ZMAT3: variants seen among roughly 807,000 people sequenced by gnomAD.
The protein encoded by ZMAT3 is zinc finger matrin-type 3, also known as zinc finger matrin-type protein 3.
Under a neutral mutation model 32.3 loss-of-function variants are expected in ZMAT3, and 17 were observed. That is an observed-to-expected ratio of 0.53 (90% CI 0.36 to 0.79). ZMAT3 has a LOEUF of 0.79. Among genes scored for constraint, ZMAT3 ranks in the 30% least tolerant of loss-of-function variants. The probability of loss-of-function intolerance (pLI) is 0.00; values close to 1 mark genes in which losing one functional copy is unlikely to be tolerated. For synonymous variants in ZMAT3, 120 were observed against 133.1 expected (o/e 0.90, Z 0.68); for missense variants, 329 against 359.7 (o/e 0.91, Z 0.69).
chr3:179,043,410 A>G (rs1415347275), intron 2 of ZMAT3, among the ~76,000 whole-genome samples: 1 of 152,232 alleles, frequency 6.6e-6, no homozygotes, highest in Non-Finnish European at 1.5e-5. Context: ...GGCCTCAGAA[A>G]TAACACCACA....
At position 179,024,504 on chromosome 3, in the gene ZMAT3, C is replaced by T. The variant is rs1458183444; in HGVS notation, c.*513G>A. ...CAGAAAAAAATGTCCCGGGAAAGAC[C>T]TTAACAGTTTCTAATAATGTATTCT... On this transcript the variant is annotated 3_prime_UTR_variant, in exon 6 of 6. Transcript: ENST00000311417. The T allele has an allele frequency of 6.5e-6, 1 of 153,434 alleles. No individual in the cohort carries two copies. The highest frequency in any genetic ancestry group is 1.4e-5 in the Non-Finnish European group (1 of 69,086). 9.5% of individuals were successfully genotyped at this position (153,434 alleles called of 1,614,324 possible).
Position 179,033,141 on chromosome 3 carries a change from AG to A in ZMAT3, c.271-2143del, listed in dbSNP as rs575108811. 6.7e-3 allele frequency among the ~76,000 whole-genome samples: 1,014 copies of A among 152,366 alleles called. 10 individuals carry two copies. The highest frequency in any genetic ancestry group is 0.023 in the African/African-American group (968 of 41,588). ...GGAGACTCCATTTTGTTCTGTACTAAGAAAAATTCTTCTGCCTTGGGCTGCT... is the reference window on the plus strand; with the variant it reads ...GGAGACTCCATTTTGTTCTGTACTAAAAAAATTCTTCTGCCTTGGGCTGCT... On this transcript the variant is annotated intron_variant, in intron 2 of 5. Coordinates refer to ENST00000311417, the MANE Select transcript of ZMAT3 (RefSeq NM_022470.4).
At chr3:179,045,756 G>A (rs182942883) in intron 2 of ZMAT3, among the ~76,000 whole-genome samples, 289 of 152,236 alleles carry the variant, frequency 1.9e-3, no homozygotes, top group Middle Eastern at 3.4e-3. Context: ...TACTCCTTAA[G>A]CTAGATGGCA....
chr3:179,032,807 A>G (rs1303452627), intron 2 of ZMAT3, among the ~76,000 whole-genome samples: 3 of 146,710 alleles, frequency 2.0e-5, no homozygotes, highest in Non-Finnish European at 3.0e-5. Context: ...TCCACCCAGC[A>G]GCCACCCCAT....
At chr3:179,040,722 C>A (rs535018525) in intron 2 of ZMAT3, among the ~76,000 whole-genome samples, 71 of 152,222 alleles carry the variant, frequency 4.7e-4, no homozygotes, top group Admixed American at 1.8e-3. Flanking sequence ...TCACACATAA[C>A]AATACTAACC....
chr3:179,063,214 C>A (rs888452445), intron 2 of ZMAT3, among the ~76,000 whole-genome samples: 12 of 152,178 alleles, frequency 7.9e-5, no homozygotes, highest in African/African-American at 2.9e-4. Context: ...GGAAAAAAAT[C>A]AGATAGGAGA....
chr3:179,040,644 C>T (rs887708772), intron 2 of ZMAT3, among the ~76,000 whole-genome samples: 4 of 152,068 alleles, frequency 2.6e-5, no homozygotes, highest in African/African-American at 9.7e-5. Context: ...TAAAGACCAT[C>T]GATGCTATGA....
rs146819669 is a variant in ZMAT3, at chr3:179,054,816, C to T, written c.270+12667G>A. 1.9e-4 allele frequency among the ~76,000 whole-genome samples: 29 copies of T among 152,338 alleles called. No homozygotes were observed. The East Asian group carries it at 4.8e-3, about 25-fold the overall frequency. On this transcript the variant is annotated intron_variant, in intron 2 of 5. Coordinates refer to ENST00000311417, the MANE Select transcript of ZMAT3 (RefSeq NM_022470.4). ...CCACTGTGCTCCTGATCCAGCGAGG[C>T]GCCCATTGCTGCTCCCAATTGGGCT... is the stretch of plus-strand genomic sequence containing the variant.
At chr3:179,033,983 A>G (rs1347976641) in intron 2 of ZMAT3, among the ~76,000 whole-genome samples, 2 of 152,204 alleles carry the variant, frequency 1.3e-5, no homozygotes, top group Non-Finnish European at 2.9e-5. Context: ...AGGAACCTCT[A>G]CTAACATCAA....
rs190262895 is a variant in ZMAT3 at position 179,055,485 on chromosome 3, G to A, written c.270+11998C>T. 1.6e-3 allele frequency among the ~76,000 whole-genome samples: 163 copies of A among 99,442 alleles called. 4 individuals carry two copies. In the East Asian group the frequency reaches 0.035, roughly 22 times the overall value. 65.2% of individuals were successfully genotyped at this position (99,442 alleles called of 152,430 possible). On this transcript the variant is annotated intron_variant, in intron 2 of 5. Coordinates refer to ENST00000311417, the MANE Select transcript of ZMAT3 (RefSeq NM_022470.4). ...CTCCCTACCCCAGCGTCCCCTCCCC[G>A]ACTCCTTCCTCAACTAATAAGGACC... is the stretch of plus-strand genomic sequence containing the variant.
chr3:179,065,030 GTTAAAACC>G (rs1192824531), intron 2 of ZMAT3, among the ~76,000 whole-genome samples: 4 of 152,166 alleles, frequency 2.6e-5, no homozygotes, highest in Non-Finnish European at 5.9e-5. Context: ...TTAGTTGTCT[GTTAAAACC>G]TTCTCTCTTT....
intron 2 of ZMAT3, among the ~76,000 whole-genome samples, chr3:179,045,399 G>A (rs555696971): frequency 6.3e-4 from 96 of 152,240 alleles, no homozygotes; most frequent in South Asian, 3.7e-3. Flanking sequence ...CCACCTACAG[G>A]ACAACAGATA....
chr3:179,037,318 C>T (rs1719650571), intron 2 of ZMAT3, among the ~76,000 whole-genome samples: 1 of 152,106 alleles, frequency 6.6e-6, no homozygotes, highest in Non-Finnish European at 1.5e-5. Context: ...TTGGGACTCC[C>T]CGGATGAGAG....
Position 179,054,684 on chromosome 3 carries a change from G to T in ZMAT3, c.270+12799C>A, listed in dbSNP as rs781171721. ...TCTTGCAACTGCATTCTTCTGGTCC[G>T]TGTTTGCTAAGGCTGGAGCAGAGCT... On this transcript the variant is annotated intron_variant, in intron 2 of 5. Coordinates refer to ENST00000311417, the MANE Select transcript of ZMAT3 (RefSeq NM_022470.4). Among the ~76,000 whole-genome samples, 3 of 152,204 alleles carry T rather than the reference G, an allele frequency of 2.0e-5. No homozygotes were observed. In the East Asian group the frequency reaches 5.8e-4, roughly 29 times the overall value.
chr3:179,044,747 G>A (rs1057102922), intron 2 of ZMAT3, among the ~76,000 whole-genome samples: 1 of 152,132 alleles, frequency 6.6e-6, no homozygotes, highest in African/African-American at 2.4e-5. Flanking sequence ...GGATGGAGCT[G>A]GAAACCATCA....
At chr3:179,055,938 T>C (rs561476045) in intron 2 of ZMAT3, among the ~76,000 whole-genome samples, 18 of 152,272 alleles carry the variant, frequency 1.2e-4, no homozygotes, top group East Asian at 1.9e-4. Flanking sequence ...TAGACCCTCA[T>C]TGGGACACAG....
intron 2 of ZMAT3, among the ~76,000 whole-genome samples, chr3:179,064,862 C>T (rs924849170): frequency 3.5e-5 from 5 of 144,312 alleles, no homozygotes; most frequent in African/African-American, 1.3e-4. Flanking sequence ...GAGTTATGTT[C>T]ACACTCTGTT....
At chr3:179,058,884 T>C (rs1023147342) in intron 2 of ZMAT3, among the ~76,000 whole-genome samples, 2 of 152,052 alleles carry the variant, frequency 1.3e-5, no homozygotes, top group Admixed American at 1.3e-4. Context: ...GCAGAACTAA[T>C]AGCCCTCACT....
intron 2 of ZMAT3, among the ~76,000 whole-genome samples, chr3:179,040,783 T>C (rs543682815): frequency 4.0e-5 from 6 of 151,876 alleles, no homozygotes; most frequent in South Asian, 4.2e-4. Context: ...GACTGGCAAA[T>C]TGGATAAAGA....
Sources: gnomAD v4.1 joint callset for allele counts (sites outside exome capture counted in the v4.1 genomes callset) on GRCh38, gnomAD v4.1.1 for gene constraint, MANE v1.5 for transcripts, NCBI Gene and HGNC (gene_info 2026-07-23, HGNC 2026-07-21) for gene names.